The following FRMD4A variants were observed in gnomAD, a reference collection of about 807,000 sequenced individuals.
FRMD4A encodes FERM domain containing 4A, also known as FERM domain-containing protein 4A.
Under a neutral mutation model 129.1 loss-of-function variants are expected in FRMD4A, and 29 were observed. The observed-to-expected ratio is 0.22, with a 90% CI of 0.17 to 0.31. The LOEUF (loss-of-function observed/expected upper bound fraction) is 0.31, where lower values mean the gene tolerates loss of function less well. Ranked by LOEUF, FRMD4A falls within the 10% of genes least tolerant of loss-of-function variation. The probability of loss-of-function intolerance (pLI) is 1.00; values close to 1 mark genes in which losing one functional copy is unlikely to be tolerated. For synonymous variants in FRMD4A, 634 were observed against 571.6 expected (o/e 1.11, Z -1.56); for missense variants, 1,272 against 1,375.8 (o/e 0.92, Z 1.19).
chr10:13,935,446 CAAAAAAAAAAAA>C (rs71388135), intron 2 of FRMD4A, among the ~76,000 whole-genome samples: 2 of 36,420 alleles, frequency 5.5e-5, no homozygotes, highest in African/African-American at 2.4e-4. Context: ...AACTCCATCT[CAAAAAAAAAAAA>C]AAAAAAAAAA....
chr10:14,150,125 A>C (rs1334798416), intron 2 of FRMD4A, among the ~76,000 whole-genome samples: 1 of 152,166 alleles, frequency 6.6e-6, no homozygotes, highest in African/African-American at 2.4e-5. Flanking sequence ...GAAAGGGGAA[A>C]TCCATCCCCA....
chr10:13,944,881 A>C (rs1213702394), intron 2 of FRMD4A, among the ~76,000 whole-genome samples: 2 of 152,256 alleles, frequency 1.3e-5, no homozygotes, highest in East Asian at 3.8e-4. Context: ...GGAATAGCTG[A>C]GTCTTTGCCA....
At chr10:13,816,386 G>A (rs981996952) in intron 3 of FRMD4A, among the ~76,000 whole-genome samples, 9 of 152,200 alleles carry the variant, frequency 5.9e-5, no homozygotes, top group Non-Finnish European at 1.2e-4. Flanking sequence ...TTGATGGATG[G>A]GCATGTAGTG....
chr10:13,826,059 A>C (rs1157111935), intron 3 of FRMD4A, among the ~76,000 whole-genome samples: 1 of 152,216 alleles, frequency 6.6e-6, no homozygotes. Context: ...CATCTGCCTC[A>C]CTTTGAACAT....
At chr10:13,881,593 G>A (rs1288132016) in intron 2 of FRMD4A, among the ~76,000 whole-genome samples, 1 of 152,104 alleles carries the variant, frequency 6.6e-6, no homozygotes, top group Non-Finnish European at 1.5e-5. Flanking sequence ...GCGCAGACAA[G>A]TCAAAAAAGG....
chr10:14,133,837 C>T (rs565667525), intron 2 of FRMD4A, among the ~76,000 whole-genome samples: 2 of 152,206 alleles, frequency 1.3e-5, no homozygotes, highest in African/African-American at 4.8e-5. Flanking sequence ...AAGGGGCCAA[C>T]CTCTAACTCC....
chr10:13,905,550 A>C (rs563728316), intron 2 of FRMD4A, among the ~76,000 whole-genome samples: 3 of 152,344 alleles, frequency 2.0e-5, no homozygotes, highest in African/African-American at 7.2e-5. Flanking sequence ...GTTATAACCT[A>C]AACTATTAAT....
chr10:13,974,019 CTT>C (rs66523920), intron 2 of FRMD4A, among the ~76,000 whole-genome samples: 2 of 96,624 alleles, frequency 2.1e-5, no homozygotes, highest in African/African-American at 3.8e-5. Context: ...AGGGACAGTT[CTT>C]TTTTTTTTTT....
Position 14,039,359 on chromosome 10 carries a change from T to TGTCCGTCCGTCCGTCCGTCC in FRMD4A, c.46-180448_46-180447insGGACGGACGGACGGACGGAC, listed in dbSNP as rs60914319. 8.4e-4 allele frequency among the ~76,000 whole-genome samples: 108 copies of TGTCCGTCCGTCCGTCCGTCC among 128,352 alleles called. 1 individual carries two copies. The highest frequency in any genetic ancestry group is 7.5e-3 in the Admixed American group (89 of 11,846). 84.2% of individuals were successfully genotyped at this position (128,352 alleles called of 152,430 possible). On this transcript the variant is annotated intron_variant, in intron 2 of 24. Transcript: ENST00000357447. ...TCTTTTTCTTGCTCACTTTCTGATC[T>TGTCCGTCCGTCCGTCCGTCC]GTCCGTCCGTCCATCCATCCATCCA...
At chr10:14,244,692 T>C (rs888020541) in intron 2 of FRMD4A, among the ~76,000 whole-genome samples, 10 of 152,204 alleles carry the variant, frequency 6.6e-5, no homozygotes, top group African/African-American at 2.4e-4. Flanking sequence ...ACAATGAACC[T>C]GCAAGGAAAT....
chr10:13,831,634 T>C (rs1482195387), intron 3 of FRMD4A, among the ~76,000 whole-genome samples: 4 of 152,168 alleles, frequency 2.6e-5, no homozygotes, highest in African/African-American at 7.2e-5. Flanking sequence ...CTGGACACCA[T>C]GGAGTTAAAT....
chr10:13,827,901 C>G (rs1355001454), intron 3 of FRMD4A, among the ~76,000 whole-genome samples: 1 of 152,176 alleles, frequency 6.6e-6, no homozygotes, highest in African/African-American at 2.4e-5. Flanking sequence ...CAACTGCTGT[C>G]TGGCTGCTCC....
At position 13,646,636 on chromosome 10, in the gene FRMD4A, C is replaced by G. The variant is rs1005061959; in HGVS notation, c.*402G>C. 1.3e-5 allele frequency: 2 copies of G among 152,650 alleles called. No homozygotes were observed. The highest frequency in any genetic ancestry group is 2.9e-5 in the Non-Finnish European group (2 of 68,184). The allele number at this position is 152,650 out of a possible 1,614,324, so 9.5% of individuals were successfully genotyped here. A position where few individuals can be genotyped will look rare whatever the true frequency, so the allele number is the denominator to read the frequency against. ...GCAGGAATTGGATGCCGGCTGGCCC[C>G]CCTGATGGTTCCTGGCCTAGGGGCT... On this transcript the variant is annotated 3_prime_UTR_variant, in exon 25 of 25. Transcript: ENST00000357447.
At chr10:13,868,533 C>T (rs144339848) in intron 2 of FRMD4A, among the ~76,000 whole-genome samples, 3 of 152,112 alleles carry the variant, frequency 2.0e-5, no homozygotes, top group East Asian at 3.9e-4. Context: ...CCAGGCACGG[C>T]GGCTCACTAC....
intron 2 of FRMD4A, among the ~76,000 whole-genome samples, chr10:13,869,406 A>G (rs1467015107): frequency 6.6e-6 from 1 of 152,206 alleles, no homozygotes. Context: ...CTTCCAACCA[A>G]ACAAGCTACT....
Position 14,318,254 on chromosome 10 carries a change from G to C in FRMD4A, c.45+11804C>G, listed in dbSNP as rs145417081. On this transcript the variant is annotated intron_variant, in intron 2 of 24. Transcript: ENST00000357447. The stretch of plus-strand genomic sequence containing the variant: ...AATGACCTCAGCCATGTTCATTATG[G>C]CTCAATTACATTCACACTCCCTCAT... Among the ~76,000 whole-genome samples, 433 of 151,706 alleles carry C rather than the reference G, an allele frequency of 2.9e-3. 3 individuals carry two copies. The highest frequency in any genetic ancestry group is 0.01 in the African/African-American group (425 of 41,388).
At chr10:13,968,475 G>A (rs545294305) in intron 2 of FRMD4A, among the ~76,000 whole-genome samples, 7 of 152,182 alleles carry the variant, frequency 4.6e-5, no homozygotes, top group African/African-American at 7.2e-5. Context: ...TTTTTGAGAC[G>A]TAGTCTCACT....
At chr10:14,106,831 C>T (rs901108518) in intron 2 of FRMD4A, among the ~76,000 whole-genome samples, 3 of 151,140 alleles carry the variant, frequency 2.0e-5, no homozygotes, top group East Asian at 2.0e-4. Context: ...ATCGAGCTAC[C>T]GTTTGACCCA....
chr10:14,165,489 C>T (rs532900612), intron 2 of FRMD4A, among the ~76,000 whole-genome samples: 122 of 152,286 alleles, frequency 8.0e-4, no homozygotes, highest in African/African-American at 1.1e-3. Context: ...AACTACTATT[C>T]GACCCAGCAA....
Sources: gnomAD v4.1 joint callset for allele counts (sites outside exome capture counted in the v4.1 genomes callset) on GRCh38, gnomAD v4.1.1 for gene constraint, MANE v1.5 for transcripts, NCBI Gene and HGNC (gene_info 2026-07-23, HGNC 2026-07-21) for gene names.